Variants in FAM13A observed in about 807,000 individuals in gnomAD.
The protein encoded by FAM13A is family with sequence similarity 13 member A.
In FAM13A, 76 loss-of-function variants were observed where a neutral mutation model predicts 129.6. The observed-to-expected ratio is 0.59, with a 90% CI of 0.49 to 0.71. The LOEUF (loss-of-function observed/expected upper bound fraction) is 0.71, where lower values mean the gene tolerates loss of function less well. Among genes scored for constraint, FAM13A ranks in the 30% least tolerant of loss-of-function variants. FAM13A has a pLI of 0.00. For synonymous variants in FAM13A, 443 were observed against 449.9 expected (o/e 0.98, Z 0.20); for missense variants, 1,108 against 1,249.3 (o/e 0.89, Z 1.70).
intron 5 of FAM13A, among the ~76,000 whole-genome samples, chr4:88,916,027 T>C (rs1750060203): frequency 6.6e-6 from 1 of 151,914 alleles, no homozygotes; most frequent in African/African-American, 2.4e-5. Context: ...AGAAACCTCT[T>C]ATCTTTATAA....
At chr4:88,827,064 C>T (rs1324562674) in intron 7 of FAM13A, among the ~76,000 whole-genome samples, 2 of 152,218 alleles carry the variant, frequency 1.3e-5, no homozygotes, top group Non-Finnish European at 2.9e-5. Flanking sequence ...ACTTATTCCT[C>T]CATCCCATGC....
intron 6 of FAM13A, among the ~76,000 whole-genome samples, chr4:88,878,681 G>A (rs540793941): frequency 6.6e-6 from 1 of 152,268 alleles, no homozygotes; most frequent in East Asian, 1.9e-4. Context: ...AGGATTGTGA[G>A]AATTAACACA....
chr4:88,865,796 C>T (rs912665900), intron 6 of FAM13A, among the ~76,000 whole-genome samples: 32 of 150,460 alleles, frequency 2.1e-4, no homozygotes, highest in South Asian at 1.3e-3. Flanking sequence ...AGATGGTACG[C>T]GGGATTTGGC....
At chr4:88,731,725 G>A (rs897271633) in intron 22 of FAM13A, 37 of 518,396 alleles carry the variant, frequency 7.1e-5, no homozygotes, top group Admixed American at 6.6e-4. Flanking sequence ...TGTGCTCAGC[G>A]TGTGTTAAGT....
At chr4:88,991,589 C>A (rs1205875632) in intron 3 of FAM13A, among the ~76,000 whole-genome samples, 1 of 152,082 alleles carries the variant, frequency 6.6e-6, no homozygotes, top group Non-Finnish European at 1.5e-5. Context: ...GGTTTTTGAT[C>A]CACAGTGGAA....
intron 4 of FAM13A, among the ~76,000 whole-genome samples, chr4:88,965,115 C>T (rs1204596754): frequency 2.0e-5 from 3 of 152,174 alleles, no homozygotes; most frequent in Non-Finnish European, 4.4e-5. Flanking sequence ...CAAGACCTTA[C>T]CAAATATGAT....
chr4:89,025,570 A>G (rs1767871413), intron 2 of FAM13A, among the ~76,000 whole-genome samples: 1 of 152,248 alleles, frequency 6.6e-6, no homozygotes, highest in South Asian at 2.1e-4. Flanking sequence ...GGCCGGAATC[A>G]TTGTCTGTAA....
At chr4:88,950,747 C>A (rs370687054) in intron 4 of FAM13A, among the ~76,000 whole-genome samples, 2 of 152,126 alleles carry the variant, frequency 1.3e-5, no homozygotes, top group Non-Finnish European at 2.9e-5. Context: ...ACTTAAAATA[C>A]GGGTGAATTT....
At chr4:88,907,605 C>T (rs1391801090) in intron 5 of FAM13A, among the ~76,000 whole-genome samples, 1 of 152,112 alleles carries the variant, frequency 6.6e-6, no homozygotes, top group Non-Finnish European at 1.5e-5. Context: ...GCCGTTTTTA[C>T]GCCCAATAGC....
intron 5 of FAM13A, among the ~76,000 whole-genome samples, chr4:88,932,940 C>T (rs917016198): frequency 6.6e-6 from 1 of 151,874 alleles, no homozygotes; most frequent in South Asian, 2.1e-4. Context: ...AATTTTAAAC[C>T]CAAAAGTTAA....
intron 4 of FAM13A, among the ~76,000 whole-genome samples, chr4:88,956,536 A>G (rs577208260): frequency 1.3e-5 from 2 of 152,308 alleles, no homozygotes; most frequent in South Asian, 4.1e-4. Context: ...ACACCAAAGA[A>G]CTTAAGGAAT....
In FAM13A at chr4:88,940,038, G is replaced by C. The variant is rs1013328784; in HGVS notation, c.606-1797C>G. ...GTTGTGCCCAGATTCCTGACCCCTA[G>C]AAATTGTGAGATAGCAAATGTTTGT... is the stretch of plus-strand genomic sequence containing the variant. On this transcript the variant is annotated intron_variant, in intron 4 of 23. Coordinates refer to ENST00000264344, the MANE Select transcript of FAM13A (RefSeq NM_014883.4). Among the ~76,000 whole-genome samples, 18 of 152,312 alleles carry C rather than the reference G, an allele frequency of 1.2e-4. No individual in the cohort carries two copies. The East Asian group carries it at 3.5e-3, about 29-fold the overall frequency.
chr4:88,851,632 T>A (rs367569289), intron 6 of FAM13A, among the ~76,000 whole-genome samples: 1 of 152,296 alleles, frequency 6.6e-6, no homozygotes, highest in South Asian at 2.1e-4. Flanking sequence ...TTCAGAAATA[T>A]TTACTACCAA....
chr4:88,881,274 G>A (rs1471043035), intron 6 of FAM13A, among the ~76,000 whole-genome samples: 1 of 152,204 alleles, frequency 6.6e-6, no homozygotes, highest in Non-Finnish European at 1.5e-5. Flanking sequence ...CCATGTCTGA[G>A]AGACCTAAAA....
intron 4 of FAM13A, among the ~76,000 whole-genome samples, chr4:88,967,154 C>G (rs867408694): frequency 2.0e-5 from 3 of 152,088 alleles, no homozygotes; most frequent in Non-Finnish European, 4.4e-5. Flanking sequence ...AGAACAGTAC[C>G]TGACATAACA....
intron 3 of FAM13A, among the ~76,000 whole-genome samples, chr4:88,998,369 T>C (rs1338109824): frequency 6.6e-6 from 1 of 152,200 alleles, no homozygotes; most frequent in African/African-American, 2.4e-5. Context: ...TGAGCTACAA[T>C]TTAAATCCAA....
At chr4:89,056,689 G>C (rs972665937) in intron 1 of FAM13A, among the ~76,000 whole-genome samples, 1 of 152,112 alleles carries the variant, frequency 6.6e-6, no homozygotes, top group Non-Finnish European at 1.5e-5. Flanking sequence ...AAATCAAGTT[G>C]ACTTAACGGA....
intron 23 of FAM13A, 42 bp from the exon 24 acceptor site, chr4:88,728,701 T>G (rs747797735): frequency 6.2e-7 from 1 of 1,611,456 alleles, no homozygotes; most frequent in Non-Finnish European, 8.5e-7. Flanking sequence ...GATCATTTTC[T>G]GTCTTTGCTA....
At chr4:88,858,663 C>T (rs1289085065) in intron 6 of FAM13A, among the ~76,000 whole-genome samples, 2 of 152,130 alleles carry the variant, frequency 1.3e-5, no homozygotes, top group Non-Finnish European at 2.9e-5. Flanking sequence ...TGTATAATTC[C>T]ATTGGCAGGA....
Sources: allele counts gnomAD v4.1 joint callset (sites outside exome capture counted in the v4.1 genomes callset), GRCh38; gene constraint gnomAD v4.1.1; transcripts MANE v1.5; gene names NCBI Gene and HGNC (gene_info 2026-07-23, HGNC 2026-07-21).